Variants in SLC37A1 observed in about 807,000 individuals in gnomAD.
SLC37A1 encodes the protein solute carrier family 37 member 1.
A neutral mutation model predicts 75.3 loss-of-function variants in SLC37A1; 49 were observed. The ratio of observed to expected loss-of-function variants is 0.65; its 90% CI spans 0.52 to 0.83. SLC37A1 has a LOEUF of 0.83. SLC37A1 is among the 40% of genes least tolerant of loss of function. The pLI is 0.00. For missense variants in SLC37A1, 566 were observed against 695.0 expected, an observed-to-expected ratio of 0.81 and a Z score of 2.09; for synonymous variants, 268 against 292.1, an observed-to-expected ratio of 0.92 and a Z score of 0.84.
At position 42,520,317 on chromosome 21, in the gene SLC37A1, CT is replaced by C. The variant is rs372738422; in HGVS notation, c.56+1813del. Among the ~76,000 whole-genome samples, 828 of 152,236 alleles carry C rather than the reference CT, an allele frequency of 5.4e-3. 6 individuals carry two copies. The highest frequency in any genetic ancestry group is 0.017 in the African/African-American group (711 of 41,526). On this transcript the variant is annotated intron_variant, in intron 2 of 19. Transcript: ENST00000352133. ...TCTTCATCTAGCACTGTTCCTCGGC[CT>C]TTTTTCATCTTTTCTGACCTTGGCT...
At position 42,528,989 on chromosome 21, in the gene SLC37A1, GT is replaced by G. The variant is rs202230077; in HGVS notation, c.138+3140del. On this transcript the variant is annotated intron_variant, in intron 3 of 19. Transcript: ENST00000352133. The stretch of plus-strand genomic sequence containing the variant: ...CAACTCCAGTGAAAATCTTAGCAGG[GT>G]TTTTTTTAATTGAATAAAATAATCT... 4.7e-3 allele frequency among the ~76,000 whole-genome samples: 717 copies of G among 151,950 alleles called. 6 individuals carry two copies. Among genetic ancestry groups the G allele is most frequent in the African/African-American group, 0.016 (667 of 41,416 alleles).
chr21:42,538,484 A>G (rs1348387724), intron 5 of SLC37A1, among the ~76,000 whole-genome samples: 1 of 152,202 alleles, frequency 6.6e-6, no homozygotes, highest in East Asian at 1.9e-4. Flanking sequence ...AGTGGGGTTC[A>G]TGGCAGGCAG....
intron 15 of SLC37A1, among the ~76,000 whole-genome samples, chr21:42,566,758 C>A (rs983734334): frequency 6.6e-6 from 1 of 152,228 alleles, no homozygotes; most frequent in Non-Finnish European, 1.5e-5. Flanking sequence ...AGGGTCCGGC[C>A]TGTGATCGCT....
chr21:42,500,907 G>A (rs1054634274), intron 1 of SLC37A1, among the ~76,000 whole-genome samples: 1 of 152,186 alleles, frequency 6.6e-6, no homozygotes, highest in East Asian at 1.9e-4. Flanking sequence ...CCATACCTGA[G>A]GTATGTAGGT....
chr21:42,530,656 C>CA (rs1568997149), intron 3 of SLC37A1, among the ~76,000 whole-genome samples: 539 of 23,430 alleles, frequency 0.023, 29 homozygotes, highest in Middle Eastern at 0.036. Context: ...ACACACACAC[C>CA]CCCTCTGTGT....
intron 18 of SLC37A1, among the ~76,000 whole-genome samples, chr21:42,578,088 T>G (rs2056344601): frequency 6.6e-6 from 1 of 152,254 alleles, no homozygotes; most frequent in African/African-American, 2.4e-5. Context: ...TTCACCAAAA[T>G]AGACAAGTGT....
intron 11 of SLC37A1, 64 bp from the exon 12 acceptor site, chr21:42,562,014 G>A (rs2055842384): frequency 3.0e-6 from 4 of 1,322,460 alleles, no homozygotes; most frequent in Non-Finnish European, 4.4e-6. Context: ...TAACTCTGTT[G>A]CATGTTTACA....
In SLC37A1 at chr21:42,534,780, C is replaced by A. The variant is rs111313584; in HGVS notation, c.221C>A (p.Ala74Asp). Reference sequence around the variant, plus strand: ...CAGAACAGGAAGTCTGGGTCCGCTGCCCCCCACCAGCTCCCTGACAATGAG... The same window carrying A: ...CAGAACAGGAAGTCTGGGTCCGCTGACCCCCACCAGCTCCCTGACAATGAG... ...SSQNRKSGSA[A>D]PHQLPDNETD... Residue 74 changes from alanine (A) to aspartate (D), a missense_variant, in exon 4 of 20, where the codon GCC becomes GAC. By Grantham distance (126) the Ala-to-Asp change is moderately radical. Coordinates refer to ENST00000352133, the MANE Select transcript of SLC37A1 (RefSeq NM_001320537.2). 2 of 1,613,708 alleles carry A rather than the reference C, an allele frequency of 1.2e-6. No individual in the cohort carries two copies. The highest frequency in any genetic ancestry group is 2.7e-5 in the African/African-American group (2 of 74,926).
rs1161313598 is a variant in SLC37A1, at chr21:42,530,654, A to ACACACACACACCCC, written c.139-4043_139-4042insACACACACACCCCC. Among the ~76,000 whole-genome samples the ACACACACACACCCC allele has an allele frequency of 1.7e-3, 62 of 35,888 alleles. 6 individuals carry two copies. The highest frequency in any genetic ancestry group is 2.5e-3 in the Non-Finnish European group (48 of 19,102). The allele number at this position is 35,888 out of a possible 152,430, so 23.5% of individuals were successfully genotyped here. A position where few individuals can be genotyped will look rare whatever the true frequency, so the allele number is the denominator to read the frequency against. The stretch of plus-strand genomic sequence containing the variant: ...CACACACACACACACACACACACAC[A>ACACACACACACCCC]CCCCCTCTGTGTTGGCTGAAGGTGG... On this transcript the variant is annotated intron_variant, in intron 3 of 19. Transcript: ENST00000352133.
At chr21:42,520,182 C>T (rs1782645765) in intron 2 of SLC37A1, among the ~76,000 whole-genome samples, 1 of 152,196 alleles carries the variant, frequency 6.6e-6, no homozygotes, top group African/African-American at 2.4e-5. Flanking sequence ...AACCCACAGT[C>T]CATGTTAAAA....
rs976527028 is a variant in SLC37A1, at chr21:42,548,104, C to G, written c.768+964C>G. ...GCTAACATGTTAGTCACGTCTGTGC[C>G]GAGTGTCAGACCCCAGATGTGGGGG... On this transcript the variant is annotated intron_variant, in intron 9 of 19. Transcript: ENST00000352133. This position sits in a 1 kb window ranked among gnomAD's most constrained non-coding sequence, Gnocchi z 5.6. Among the ~76,000 whole-genome samples, 1 of 152,186 alleles carries G rather than the reference C, an allele frequency of 6.6e-6. No homozygotes were observed. The highest frequency in any genetic ancestry group is 1.5e-5 in the Non-Finnish European group (1 of 68,022).
intron 2 of SLC37A1, among the ~76,000 whole-genome samples, chr21:42,503,248 C>CCT (rs375327858): frequency 8.0e-6 from 1 of 125,766 alleles, no homozygotes; most frequent in African/African-American, 3.0e-5. Context: ...AATTATACTC[C>CCT]TTTTTTTTTT....
intron 17 of SLC37A1, among the ~76,000 whole-genome samples, chr21:42,568,697 C>A (rs1431994878): frequency 6.6e-6 from 1 of 152,168 alleles, no homozygotes; most frequent in Non-Finnish European, 1.5e-5. Context: ...CAAACTACAG[C>A]CCGTGGGCTA....
At chr21:42,556,612 GC>G (rs779269567) in intron 10 of SLC37A1, among the ~76,000 whole-genome samples, 98 of 152,302 alleles carry the variant, frequency 6.4e-4, no homozygotes, top group Non-Finnish European at 1.1e-3. Context: ...GAGTGCACTG[GC>G]CACAGAAGCC....
chr21:42,552,641 A>G lies in SLC37A1; in HGVS notation c.769-1421A>G, dbSNP rs376425101. On this transcript the variant is annotated intron_variant, in intron 9 of 19. Transcript: ENST00000352133. This position sits in a 1 kb window ranked among gnomAD's most constrained non-coding sequence, Gnocchi z 4.2. ...TTACATCTGTATTCCAGCCAGCAGG[A>G]AGGAGGGAAAGGACATTAGGGACAG... 4.6e-4 allele frequency among the ~76,000 whole-genome samples: 70 copies of G among 152,334 alleles called. No individual in the cohort carries two copies. Among genetic ancestry groups the G allele is most frequent in the African/African-American group, 1.6e-3 (68 of 41,568 alleles).
chr21:42,561,831 C>T (rs228097), intron 11 of SLC37A1: 223,817 of 460,466 alleles, frequency 0.49, 56,909 homozygotes, highest in Admixed American at 0.65. Flanking sequence ...AGCTGGGGCC[C>T]CACCCTTCTC....
At chr21:42,549,143 G>A (rs975162473) in intron 9 of SLC37A1, among the ~76,000 whole-genome samples, 2 of 152,106 alleles carry the variant, frequency 1.3e-5, no homozygotes, top group African/African-American at 4.8e-5. Context: ...AAAGCTGCCC[G>A]GACCAGCCGT....
intron 2 of SLC37A1, among the ~76,000 whole-genome samples, chr21:42,506,323 AG>A (rs1811734993): frequency 1.3e-5 from 2 of 152,366 alleles, no homozygotes; most frequent in African/African-American, 4.8e-5. Flanking sequence ...CTTCATTTTT[AG>A]AGAAAAATAG....
In SLC37A1 at chr21:42,534,711, A is replaced by G; in HGVS notation, c.152A>G (p.Lys51Arg). 1 of 1,612,326 alleles carries G rather than the reference A, an allele frequency of 6.2e-7. No homozygotes were observed. The change falls in exon 4 of 20, where the codon AAG becomes AGG. Residue 51 changes from lysine to arginine, a missense_variant. Lys to Arg is a conservative substitution (Grantham distance 26). Coordinates refer to ENST00000352133, the MANE Select transcript of SLC37A1 (RefSeq NM_001320537.2). ...PISIVKGELH[K>R]YCTAWDEADV... ...ATCACGTCCCAGGGTGAGCTCCACA[A>G]GTACTGCACTGCTTGGGATGAAGCT...
Sources: gnomAD v4.1 joint callset for allele counts (sites outside exome capture counted in the v4.1 genomes callset) on GRCh38, gnomAD v4.1.1 for gene constraint, Gnocchi (gnomAD v3.1) non-coding constraint, MANE v1.5 for transcripts, NCBI Gene and HGNC (gene_info 2026-07-23, HGNC 2026-07-21) for gene names.